The following CES1 variants were observed in gnomAD, a reference collection of about 807,000 sequenced individuals.
The protein encoded by CES1 is liver carboxylesterase 1.
Under a neutral mutation model 53.0 loss-of-function variants are expected in CES1, and 50 were observed. The observed-to-expected ratio is 0.94, with a 90% CI of 0.75 to 1.19. The LOEUF (loss-of-function observed/expected upper bound fraction) is 1.19. CES1 is among the 50% of genes most tolerant of loss of function. The probability of loss-of-function intolerance (pLI) is 0.00; values close to 1 mark genes in which losing one functional copy is unlikely to be tolerated. For synonymous variants in CES1, 202 were observed against 210.1 expected (o/e 0.96, Z 0.33); for missense variants, 534 against 538.0 (o/e 0.99, Z 0.07).
chr16:55,815,768 G>T (rs2031914884), intron 8 of CES1, among the ~76,000 whole-genome samples: 2 of 152,110 alleles, frequency 1.3e-5, no homozygotes, highest in Non-Finnish European at 2.9e-5. Flanking sequence ...CATCCACTTT[G>T]CCCCTTTCCT....
At chr16:55,828,626 T>C in intron 2 of CES1, 141 bp downstream of exon 2, 2 of 951,870 alleles carry the variant, frequency 2.1e-6, no homozygotes, top group Non-Finnish European at 3.4e-6. Context: ...CAGAATGCTG[T>C]GAGAGTTCTG....
rs369890158 is a variant in CES1, at chr16:55,809,772, A to C, written c.1318+745T>G. On this transcript the variant is annotated intron_variant, in intron 11 of 13. Coordinates refer to ENST00000360526, the MANE Select transcript of CES1 (RefSeq NM_001025195.2). Reference sequence around the variant, plus strand: ...CCTCTGGATCCCATGCAGGGCTCCCACTTTTTATCCAGCTCCAATACTTAA... The same window carrying C: ...CCTCTGGATCCCATGCAGGGCTCCCCCTTTTTATCCAGCTCCAATACTTAA... 1.6e-3 allele frequency among the ~76,000 whole-genome samples: 247 copies of C among 152,254 alleles called. 2 individuals carry two copies. In the South Asian group the frequency reaches 0.047, roughly 29 times the overall value.
intron 7 of CES1, among the ~76,000 whole-genome samples, chr16:55,817,961 C>G (rs1270947756): frequency 6.6e-6 from 1 of 152,192 alleles, no homozygotes; most frequent in Non-Finnish European, 1.5e-5. Context: ...ATATTTGCCT[C>G]CTTCCGGGCG....
chr16:55,819,655 G>A lies in CES1; in HGVS notation c.802-16C>T, dbSNP rs1202555853. ...TAGCAATTTGCTGCAAAGATCACAG[G>A]CAACAACAGAGTTCAAGAGCGACAT... On this transcript the variant is annotated splice_polypyrimidine_tract_variant and intron_variant, in intron 6 of 13. Transcript: ENST00000360526. The A allele has an allele frequency of 2.5e-6, 4 of 1,598,090 alleles. No individual in the cohort carries two copies. In the African/African-American group the frequency reaches 5.4e-5, roughly 21 times the overall value.
intron 2 of CES1, 127 bp from the exon 3 acceptor site, chr16:55,826,422 T>C (rs2032422407): frequency 8.3e-7 from 1 of 1,211,494 alleles, no homozygotes; most frequent in Middle Eastern, 2.3e-4. Context: ...CTCACGACAT[T>C]GTAGTGGGTA....
At chr16:55,816,499 G>A (rs2031951510) in intron 8 of CES1, among the ~76,000 whole-genome samples, 1 of 152,198 alleles carries the variant, frequency 6.6e-6, no homozygotes, top group South Asian at 2.1e-4. Context: ...GAATACTGTT[G>A]GAGTTTCCTG....
In CES1 at chr16:55,818,332, C is replaced by T. The variant is rs562020094; in HGVS notation, c.906+1203G>A. Among the ~76,000 whole-genome samples, 51 of 152,348 alleles carry T rather than the reference C, an allele frequency of 3.3e-4. 1 individual carries two copies. Among genetic ancestry groups the T allele is most frequent in the African/African-American group, 1.2e-3 (48 of 41,568 alleles). ...TGAGGATGGCAGGGAGCAGGGAAGG[C>T]AGAAGATACTCTAGACCCGCAGGTG... On this transcript the variant is annotated intron_variant, in intron 7 of 13. Coordinates refer to ENST00000360526, the MANE Select transcript of CES1 (RefSeq NM_001025195.2).
chr16:55,820,504 G>C, intron 5 of CES1, 25 bp from the exon 6 acceptor site: 4 of 1,601,576 alleles, frequency 2.5e-6, no homozygotes, highest in Non-Finnish European at 3.4e-6. Flanking sequence ...GAGGGGAGGA[G>C]AGTTCATGCT....
At chr16:55,829,848 G>A (rs1441623775) in intron 1 of CES1, among the ~76,000 whole-genome samples, 2 of 152,348 alleles carry the variant, frequency 1.3e-5, no homozygotes, top group East Asian at 3.8e-4. Flanking sequence ...CACGGACAAT[G>A]TTTCCTCACT....
rs777661526 is a variant in CES1 at position 55,816,957 on chromosome 16, G to T, written c.912C>A (p.Phe304Leu). The T allele has an allele frequency of 6.2e-7, 1 of 1,614,154 alleles. No homozygotes were observed. Among genetic ancestry groups the T allele is most frequent in the South Asian group, 1.1e-5 (1 of 91,084 alleles). The change falls in exon 8 of 14, where the codon TTC becomes TTA. Residue 304 changes from phenylalanine to leucine, a missense_variant. Physicochemically the swap from Phe to Leu is conservative, Grantham distance 22 (BLOSUM62 0). Transcript: ENST00000360526. ...ELLETTLKMK[F>L]LSLDLQGDPR... ...GGTCTCCCTGTAAGTCCAGAGATAA[G>T]AATTTCTGTGAAGACAAAGGCAGAG...
chr16:55,825,263 A>T (rs2032373112), intron 3 of CES1, among the ~76,000 whole-genome samples: 1 of 152,214 alleles, frequency 6.6e-6, no homozygotes, highest in Non-Finnish European at 1.5e-5. Flanking sequence ...TGTAGGACCA[A>T]CTTCTAGTTC....
chr16:55,808,554 G>A (rs1445855253), intron 11 of CES1, among the ~76,000 whole-genome samples: 1 of 152,200 alleles, frequency 6.6e-6, no homozygotes, highest in Non-Finnish European at 1.5e-5. Context: ...GCAGTGGAAT[G>A]CAATTTTACA....
chr16:55,831,919 C>T (rs1346843236), intron 1 of CES1, among the ~76,000 whole-genome samples: 2 of 152,044 alleles, frequency 1.3e-5, no homozygotes, highest in African/African-American at 2.4e-5. Context: ...CCCCTCGCTG[C>T]ACCCCTCTAT....
rs1289970668 is a variant in CES1 at position 55,820,593 on chromosome 16, C to A, written c.694-114G>T. The A allele has an allele frequency of 5.2e-6, 8 of 1,543,416 alleles. No individual in the cohort carries two copies. In the Admixed American group the frequency reaches 1.5e-4, roughly 29 times the overall value. On this transcript the variant is annotated intron_variant, in intron 5 of 13. Transcript: ENST00000360526. ...TAAAACCAACACGGGACTGAGGAAT[C>A]CAGTAGTGGGCTGACCCTCTGCCCA...
chr16:55,832,831 C>A (rs2032735958), intron 1 of CES1, among the ~76,000 whole-genome samples, 173 bp downstream of exon 1: 1 of 152,238 alleles, frequency 6.6e-6, no homozygotes, highest in African/African-American at 2.4e-5. Flanking sequence ...CGTCTCCGCG[C>A]GGGCCAGGCT....
rs779739501 is a variant in CES1 at position 55,819,625 on chromosome 16, A to C, written c.816T>G (p.Thr272=). 1.2e-6 allele frequency: 2 copies of C among 1,613,872 alleles called. No homozygotes were observed. The highest frequency in any genetic ancestry group is 2.2e-5 in the South Asian group (2 of 91,084). ...CAGAGGTGGTGGTTTTGCACCCAGC[A>C]GTGATAGCAATTTGCTGCAAAGATC... is the stretch of plus-strand genomic sequence containing the variant. ...VKPLAEQIAI[T]AGCKTTTSAV... Residue 272 remains threonine (T), a synonymous_variant, in exon 7 of 14, where the codon ACT becomes ACG. Transcript: ENST00000360526.
intron 1 of CES1, among the ~76,000 whole-genome samples, chr16:55,830,829 G>GGAAA (rs2032632520): frequency 7.0e-6 from 1 of 143,694 alleles, no homozygotes; most frequent in Non-Finnish European, 1.6e-5. Context: ...AAGGCAGGCA[G>GGAAA]GCAGGCAGGC....
intron 2 of CES1, chr16:55,828,265 A>G (rs2032493985): frequency 4.0e-6 from 1 of 250,818 alleles, no homozygotes; most frequent in African/African-American, 2.3e-5. Context: ...CACACCTGAG[A>G]GTTGAGCACT....
At chr16:55,825,703 C>T (rs1310043437) in intron 3 of CES1, among the ~76,000 whole-genome samples, 1 of 152,216 alleles carries the variant, frequency 6.6e-6, no homozygotes, top group Non-Finnish European at 1.5e-5. Context: ...GATCAGAAGA[C>T]TTGAGCCAAA....
Sources: gnomAD v4.1 joint callset for allele counts (sites outside exome capture counted in the v4.1 genomes callset) on GRCh38, gnomAD v4.1.1 for gene constraint, MANE v1.5 for transcripts, NCBI Gene and HGNC (gene_info 2026-07-23, HGNC 2026-07-21) for gene names.